Variants in RASSF3 observed in about 807,000 individuals in gnomAD.
RASSF3 encodes the protein ras association domain-containing protein 3.
In RASSF3, 19 loss-of-function variants were observed where a neutral mutation model predicts 19.9. The ratio of observed to expected loss-of-function variants is 0.96; its 90% CI spans 0.67 to 1.40. RASSF3 has a LOEUF of 1.40. Ranked by LOEUF, RASSF3 falls within the 40% of genes most tolerant of loss-of-function variation. The pLI is 0.00. For missense variants in RASSF3, 306 were observed against 289.8 expected, an observed-to-expected ratio of 1.06 and a Z score of -0.41; for synonymous variants, 110 against 104.2, an observed-to-expected ratio of 1.06 and a Z score of -0.34.
chr12:64,692,346 G>C lies in RASSF3; in HGVS notation c.567+767G>C, dbSNP rs545760099. Among the ~76,000 whole-genome samples the C allele has an allele frequency of 1.1e-4, 17 of 152,288 alleles. 1 individual carries two copies. In the South Asian group the frequency reaches 3.3e-3, roughly 30 times the overall value. The stretch of plus-strand genomic sequence containing the variant: ...CTGTTTCCTACTGTTTGTTAGATTA[G>C]TAGCATGACCTTGGATAAGTCTTCT... On this transcript the variant is annotated intron_variant, in intron 4 of 4. Transcript: ENST00000542104.
intron 1 of RASSF3, among the ~76,000 whole-genome samples, chr12:64,679,075 C>A (rs576703687): frequency 6.6e-6 from 1 of 152,018 alleles, no homozygotes; most frequent in Non-Finnish European, 1.5e-5. Context: ...TTTTTTGAAG[C>A]GGGGGTGGGG....
chr12:64,677,696 G>A (rs1474324470), intron 1 of RASSF3, among the ~76,000 whole-genome samples: 1 of 152,196 alleles, frequency 6.6e-6, no homozygotes, highest in East Asian at 1.9e-4. Context: ...CTAGGGTTGA[G>A]CAGGACATGC....
chr12:64,677,001 C>T (rs571702563), intron 1 of RASSF3, among the ~76,000 whole-genome samples: 9 of 152,114 alleles, frequency 5.9e-5, no homozygotes, highest in Admixed American at 1.3e-4. Context: ...CTCCTGGGCT[C>T]GAAGGATCCA....
At chr12:64,646,843 G>A (rs79774071) in intron 1 of RASSF3, among the ~76,000 whole-genome samples, 3,803 of 152,106 alleles carry the variant, frequency 0.025, 85 homozygotes, top group Non-Finnish European at 0.036. Context: ...AACTGTAGCG[G>A]TTACTGAGGG....
chr12:64,683,459 C>G (rs1873211867), intron 1 of RASSF3, among the ~76,000 whole-genome samples: 1 of 152,126 alleles, frequency 6.6e-6, no homozygotes, highest in African/African-American at 2.4e-5. Context: ...ATTTCTCCCT[C>G]TAGAGTGTGG....
chr12:64,599,807 T>C (rs986366171), intron 2 of RASSF3, among the ~76,000 whole-genome samples: 1 of 149,918 alleles, frequency 6.7e-6, no homozygotes, highest in Non-Finnish European at 1.5e-5. Flanking sequence ...CTGAGGCGGG[T>C]GAATCACGAG....
upstream of RASSF3, chr12:64,610,486 G>A: frequency 3.5e-6 from 1 of 282,706 alleles, no homozygotes. Context: ...GGAGGGGCCG[G>A]GAGAGCCTGA....
At chr12:64,549,200 G>T (rs887839558) in intron 2 of RASSF3, among the ~76,000 whole-genome samples, 1 of 152,216 alleles carries the variant, frequency 6.6e-6, no homozygotes, top group Non-Finnish European at 1.5e-5. Context: ...GAGACAGACT[G>T]TTCTTCTGCC....
chr12:64,691,709 G>GAGA (rs1318189556), intron 4 of RASSF3, 130 bp downstream of exon 4: 2 of 723,742 alleles, frequency 2.8e-6, no homozygotes, highest in African/African-American at 1.7e-5. Flanking sequence ...GGGATGGGAA[G>GAGA]AGAAGAGAGT....
rs534511607 is a variant in RASSF3, at chr12:64,684,735, C to T, written c.112-52C>T. On this transcript the variant is annotated intron_variant, in intron 1 of 4. Coordinates refer to ENST00000542104, the MANE Select transcript of RASSF3 (RefSeq NM_178169.4). ...CGTGAGCCACTGCGCCCGGCCTATC[C>T]GCACTTTTTTTTATGATTGCTCACA... is the stretch of plus-strand genomic sequence containing the variant. 7.3e-5 allele frequency: 95 copies of T among 1,294,908 alleles called. No homozygotes were observed. The African/African-American group carries it at 7.4e-4, about 10-fold the overall frequency. The allele number at this position is 1,294,908 out of a possible 1,614,324, so 80.2% of individuals were successfully genotyped here.
intron 2 of RASSF3, among the ~76,000 whole-genome samples, chr12:64,565,886 A>T (rs2136127750): frequency 7.1e-6 from 1 of 140,386 alleles, no homozygotes; most frequent in South Asian, 2.1e-4. Context: ...TCGTCTCAGA[A>T]AAAAAAAAAA....
chr12:64,617,185 CTTACA>C (rs1565850941), intron 1 of RASSF3, among the ~76,000 whole-genome samples: 2 of 152,176 alleles, frequency 1.3e-5, no homozygotes. Context: ...TTCACAGTAT[CTTACA>C]GGTAGTAGTG....
chr12:64,511,798 C>T lies in RASSF3; in HGVS notation c.169+4469C>T, dbSNP rs542212169. Among the ~76,000 whole-genome samples the T allele has an allele frequency of 2.6e-5, 4 of 151,942 alleles. No individual in the cohort carries two copies. In the South Asian group the frequency reaches 8.3e-4, roughly 32 times the overall value. ...AAATATTTTTTCAGCTCCTTTTCAT[C>T]ATGACTTATAAGATAACCAAACTCT... is the stretch of plus-strand genomic sequence containing the variant. On this transcript the variant is annotated intron_variant, in intron 1 of 5. Transcript: ENST00000637125.
At position 64,684,684 on chromosome 12, in the gene RASSF3, G is replaced by A. The variant is rs564263904; in HGVS notation, c.112-103G>A. ...AACCTCAGGTGATCCGCCCACCTCA[G>A]CCTCCCAAAGTGCTGGGATTACAGG... On this transcript the variant is annotated intron_variant, in intron 1 of 4. Coordinates refer to ENST00000542104, the MANE Select transcript of RASSF3 (RefSeq NM_178169.4). 28 of 722,928 alleles carry A rather than the reference G, an allele frequency of 3.9e-5. No individual in the cohort carries two copies. In the East Asian group the frequency reaches 6.3e-4, roughly 16 times the overall value. 44.8% of individuals were successfully genotyped at this position (722,928 alleles called of 1,614,324 possible). A position where few individuals can be genotyped will look rare whatever the true frequency, so the allele number is the denominator to read the frequency against.
intron 1 of RASSF3, among the ~76,000 whole-genome samples, chr12:64,662,964 T>C (rs1289081287): frequency 6.6e-6 from 1 of 152,154 alleles, no homozygotes; most frequent in Non-Finnish European, 1.5e-5. Context: ...CTTAGAATAG[T>C]GCTAAGCACT....
intron 1 of RASSF3, among the ~76,000 whole-genome samples, chr12:64,650,437 CAG>C: frequency 1.1e-5 from 1 of 88,394 alleles, no homozygotes; most frequent in South Asian, 3.7e-4. Context: ...TTTTTTGAGA[CAG>C]AGTCTTGCAC....
intron 1 of RASSF3, among the ~76,000 whole-genome samples, chr12:64,526,382 A>G (rs1038082748): frequency 5.9e-5 from 9 of 152,174 alleles, no homozygotes; most frequent in African/African-American, 1.9e-4. Flanking sequence ...TATAGTCACT[A>G]TGTTGTACAA....
At chr12:64,520,457 G>A (rs1234051416) in intron 1 of RASSF3, among the ~76,000 whole-genome samples, 1 of 151,120 alleles carries the variant, frequency 6.6e-6, no homozygotes, top group East Asian at 2.0e-4. Context: ...CACCGCGCCG[G>A]CTAATTTCTG....
chr12:64,632,226 G>C (rs61463437), intron 1 of RASSF3, among the ~76,000 whole-genome samples: 28,060 of 151,982 alleles, frequency 0.18, 2,873 homozygotes, highest in African/African-American at 0.26. Context: ...TTGGGACCAA[G>C]TGGTGGTATG....
Sources: allele counts gnomAD v4.1 joint callset (sites outside exome capture counted in the v4.1 genomes callset), GRCh38; gene constraint gnomAD v4.1.1; transcripts MANE v1.5; gene names NCBI Gene and HGNC (gene_info 2026-07-23, HGNC 2026-07-21).